Variants in UNC93A observed in about 807,000 individuals in gnomAD.
UNC93A encodes the protein N-acetylglucosamine transporter UNC93A.
UNC93A carries 43 observed loss-of-function variants against 47.5 expected under a neutral mutation model. That is an observed-to-expected ratio of 0.91 (90% confidence interval 0.71 to 1.17). The LOEUF is 1.17. UNC93A is among the 50% of genes most tolerant of loss of function. The pLI, the probability that UNC93A is intolerant of heterozygous loss-of-function variation, is 0.00. For missense variants in UNC93A, 605 were observed against 577.6 expected (o/e 1.05, Z -0.49); for synonymous variants, 280 against 258.0 (o/e 1.09, Z -0.82).
intron 4 of UNC93A, among the ~76,000 whole-genome samples, chr6:167,299,168 G>GTACATA (rs1451354384): frequency 1.4e-5 from 2 of 145,268 alleles, no homozygotes; most frequent in East Asian, 4.0e-4. Context: ...ATATATGCAT[G>GTACATA]TACATATACA....
At chr6:167,293,665 A>G (rs547998846) in intron 1 of UNC93A, among the ~76,000 whole-genome samples, 1 of 152,180 alleles carries the variant, frequency 6.6e-6, no homozygotes, top group Admixed American at 6.5e-5. Flanking sequence ...AGAGCTCAGC[A>G]GCCCCAGTGA....
intron 4 of UNC93A, among the ~76,000 whole-genome samples, chr6:167,301,588 G>T (rs778033774): frequency 6.6e-6 from 1 of 152,100 alleles, no homozygotes; most frequent in African/African-American, 2.4e-5. Context: ...CCCAATTCAT[G>T]CCCCACAGAA....
intron 7 of UNC93A, among the ~76,000 whole-genome samples, chr6:167,308,609 TTGCTGG>T (rs1778469063): frequency 6.6e-6 from 1 of 151,862 alleles, no homozygotes; most frequent in South Asian, 2.1e-4. Flanking sequence ...CTCCAAGGCC[TTGCTGG>T]GGCTGGGGCC....
At chr6:167,286,977 C>CAAA (rs548370859), upstream of UNC93A, among the ~76,000 whole-genome samples, 380 of 109,964 alleles carry the variant, frequency 3.5e-3, 5 homozygotes, top group African/African-American at 0.011. Flanking sequence ...GACTCTGTCT[C>CAAA]AAAAAAAAAA....
intron 4 of UNC93A, among the ~76,000 whole-genome samples, chr6:167,302,387 G>A (rs1778267708): frequency 6.6e-6 from 1 of 152,182 alleles, no homozygotes; most frequent in Non-Finnish European, 1.5e-5. Context: ...CTCGGAGGTA[G>A]AAATGAACCG....
At chr6:167,276,458 A>C (rs984461924) in intron 1 of UNC93A, among the ~76,000 whole-genome samples, 1 of 152,182 alleles carries the variant, frequency 6.6e-6, no homozygotes, top group Non-Finnish European at 1.5e-5. Flanking sequence ...AGCAGTTTAC[A>C]TTCCTACCAA....
intron 1 of UNC93A, among the ~76,000 whole-genome samples, chr6:167,275,342 G>T (rs935286291): frequency 2.2e-4 from 34 of 152,230 alleles, no homozygotes; most frequent in African/African-American, 8.0e-4. Flanking sequence ...TGGCAACGTG[G>T]CTTTCTATCT....
At chr6:167,284,515 A>C (rs1260765463) in intron 1 of UNC93A, among the ~76,000 whole-genome samples, 1 of 152,286 alleles carries the variant, frequency 6.6e-6, no homozygotes, top group Non-Finnish European at 1.5e-5. Flanking sequence ...AGCGAAGGCC[A>C]GGCATGCCCA....
At chr6:167,279,282 C>T (rs923956360) in intron 1 of UNC93A, among the ~76,000 whole-genome samples, 3 of 152,140 alleles carry the variant, frequency 2.0e-5, no homozygotes, top group African/African-American at 7.2e-5. Flanking sequence ...GAGAGAGGGA[C>T]ATTCTGTCCT....
In UNC93A at chr6:167,304,024, C is replaced by T. The variant is rs745757223; in HGVS notation, c.731C>T (p.Thr244Ile). The T allele has an allele frequency of 1.1e-5, 18 of 1,613,992 alleles. No individual in the cohort carries two copies. Among genetic ancestry groups the T allele is most frequent in the Non-Finnish European group, 1.5e-5 (18 of 1,180,004 alleles). Residue 244 changes from threonine (T) to isoleucine (I), a missense_variant, in exon 5 of 8, where the codon ACT becomes ATT. Transcript: ENST00000230256. ...GEKKSVPFWS[T>I]LLSTFKLYRD... ...AAGAAATCAGTACCTTTCTGGTCCA[C>T]TTTACTGTCGACTTTCAAGCTATAT... is the stretch of plus-strand genomic sequence containing the variant.
At chr6:167,269,172 C>T (rs893404969), upstream of UNC93A, among the ~76,000 whole-genome samples, 9 of 152,190 alleles carry the variant, frequency 5.9e-5, no homozygotes, top group African/African-American at 2.2e-4. Context: ...GGCTGGAGAC[C>T]GGCGGAACAG....
chr6:167,287,316 C>T (rs527370570), upstream of UNC93A, among the ~76,000 whole-genome samples: 4 of 152,310 alleles, frequency 2.6e-5, no homozygotes, highest in Middle Eastern at 3.4e-3. Context: ...GCTGCTCTCT[C>T]CAAAGCTGGA....
intron 7 of UNC93A, among the ~76,000 whole-genome samples, chr6:167,311,163 T>C (rs905439023): frequency 5.9e-5 from 9 of 152,252 alleles, no homozygotes; most frequent in African/African-American, 1.9e-4. Context: ...CCCAAATGTA[T>C]GCTTTCCTTT....
Position 167,296,525 on chromosome 6 carries a change from G to T in UNC93A, c.499+264G>T, listed in dbSNP as rs186110635. Among the ~76,000 whole-genome samples the T allele has an allele frequency of 1.4e-3, 211 of 152,342 alleles. 2 individuals carry two copies. Among genetic ancestry groups the T allele is most frequent in the African/African-American group, 4.8e-3 (201 of 41,576 alleles). ...GGGGCAGGGGAGCCCTTGGGAGAGG[G>T]CGCCATGGGAAACTGAGGGCCACGC... is the stretch of plus-strand genomic sequence containing the variant. On this transcript the variant is annotated intron_variant, in intron 3 of 7. Transcript: ENST00000230256.
At chr6:167,297,533 A>G (rs2981964) in intron 3 of UNC93A, among the ~76,000 whole-genome samples, 33,279 of 151,986 alleles carry the variant, frequency 0.22, 3,845 homozygotes, top group African/African-American at 0.29. Context: ...TCACCTGCCC[A>G]AAGTCATTGA....
chr6:167,310,609 G>A (rs1323384325), intron 7 of UNC93A, among the ~76,000 whole-genome samples: 11 of 152,154 alleles, frequency 7.2e-5, no homozygotes, highest in Admixed American at 2.6e-4. Context: ...GGCCGGGTGC[G>A]GTGTCTCACC....
intron 7 of UNC93A, among the ~76,000 whole-genome samples, chr6:167,308,217 C>T (rs554079072): frequency 3.3e-5 from 5 of 152,208 alleles, no homozygotes; most frequent in Admixed American, 6.5e-5. Context: ...CTCTCTACCC[C>T]TAGGACAGCA....
At chr6:167,314,838 C>G (rs1305195213) in intron 7 of UNC93A, among the ~76,000 whole-genome samples, 3 of 152,148 alleles carry the variant, frequency 2.0e-5, no homozygotes, top group African/African-American at 7.2e-5. Flanking sequence ...CTTAACCAAA[C>G]CAATGTTCAT....
chr6:167,307,947 C>A lies in UNC93A; in HGVS notation c.1108+37C>A, dbSNP rs764549016. The A allele has an allele frequency of 5.6e-6, 9 of 1,609,470 alleles. No homozygotes were observed. In the African/African-American group the frequency reaches 9.4e-5, roughly 17 times the overall value. On this transcript the variant is annotated intron_variant, in intron 7 of 7. Coordinates refer to ENST00000230256, the MANE Select transcript of UNC93A (RefSeq NM_018974.4). ...GCCCAGGCCCCTTCCTCTGTGGCAGCAGGGGGCGGTCCCTGGCCAAGGCAA... is the reference window on the plus strand; with the variant it reads ...GCCCAGGCCCCTTCCTCTGTGGCAGAAGGGGGCGGTCCCTGGCCAAGGCAA...
Sources: gnomAD v4.1 joint callset for allele counts (sites outside exome capture counted in the v4.1 genomes callset) on GRCh38, gnomAD v4.1.1 for gene constraint, MANE v1.5 for transcripts, NCBI Gene and HGNC (gene_info 2026-07-23, HGNC 2026-07-21) for gene names.